The following MYO1D variants were observed in gnomAD, a reference collection of about 807,000 sequenced individuals.
MYO1D encodes the protein myosin ID.
Under a neutral mutation model 122.0 loss-of-function variants are expected in MYO1D, and 83 were observed. That is an observed-to-expected ratio of 0.68 (90% confidence interval 0.57 to 0.82). The LOEUF (loss-of-function observed/expected upper bound fraction) is 0.82. Among genes scored for constraint, MYO1D ranks in the 40% least tolerant of loss-of-function variants. The pLI, the probability that MYO1D is intolerant of heterozygous loss-of-function variation, is 0.00. For synonymous variants in MYO1D, 464 were observed against 446.9 expected, an observed-to-expected ratio of 1.04 and a Z score of -0.48; for missense variants, 1,157 against 1,269.5, an observed-to-expected ratio of 0.91 and a Z score of 1.35.
intron 1 of MYO1D, 58 bp downstream of exon 1, chr17:32,876,720 C>A: frequency 1.4e-6 from 2 of 1,395,212 alleles, no homozygotes; most frequent in South Asian, 1.3e-5. Flanking sequence ...CGCCCCGAGG[C>A]GCCCCCTCTC....
At chr17:32,872,797 C>T (rs1266013485) in intron 1 of MYO1D, among the ~76,000 whole-genome samples, 2 of 151,210 alleles carry the variant, frequency 1.3e-5, no homozygotes, top group Non-Finnish European at 2.9e-5. Flanking sequence ...CCCGGGTTCA[C>T]GCCATTCTCC....
chr17:32,823,493 T>C (rs1057371967), intron 1 of MYO1D, among the ~76,000 whole-genome samples: 2 of 152,178 alleles, frequency 1.3e-5, no homozygotes, highest in Non-Finnish European at 2.9e-5. Flanking sequence ...AACATGCATA[T>C]AGTGCTTAAA....
intron 16 of MYO1D, among the ~76,000 whole-genome samples, chr17:32,706,231 T>A (rs2089307117): frequency 6.6e-6 from 1 of 152,190 alleles, no homozygotes; most frequent in Non-Finnish European, 1.5e-5. Context: ...TTCAGCCTCC[T>A]GAGTAGCTGG....
intron 21 of MYO1D, among the ~76,000 whole-genome samples, chr17:32,538,310 T>C (rs1217612888): frequency 2.0e-5 from 3 of 150,492 alleles, no homozygotes; most frequent in African/African-American, 7.3e-5. Flanking sequence ...AGACAGGGTC[T>C]AGCTCTGTTG....
At chr17:32,583,795 A>C (rs2150902332) in intron 21 of MYO1D, among the ~76,000 whole-genome samples, 1 of 151,598 alleles carries the variant, frequency 6.6e-6, no homozygotes, top group East Asian at 1.9e-4. Flanking sequence ...GCTGGAGTGC[A>C]GTGGCACAAT....
At chr17:32,633,098 A>G in intron 20 of MYO1D, among the ~76,000 whole-genome samples, 1 of 152,190 alleles carries the variant, frequency 6.6e-6, no homozygotes, top group South Asian at 2.1e-4. Context: ...AGGTAGTATC[A>G]CACATGTGAA....
intron 1 of MYO1D, among the ~76,000 whole-genome samples, chr17:32,795,801 G>A (rs2090409804): frequency 6.6e-6 from 1 of 152,036 alleles, no homozygotes. Flanking sequence ...AGGCCATCCG[G>A]GTACAACATA....
intron 1 of MYO1D, among the ~76,000 whole-genome samples, chr17:32,802,079 A>G (rs2090465893): frequency 6.6e-6 from 1 of 152,240 alleles, no homozygotes; most frequent in Non-Finnish European, 1.5e-5. Flanking sequence ...TCTAGGAGAC[A>G]CATACCATTG....
At chr17:32,770,712 G>C (rs900385245) in intron 6 of MYO1D, among the ~76,000 whole-genome samples, 1 of 152,132 alleles carries the variant, frequency 6.6e-6, no homozygotes, top group South Asian at 2.1e-4. Flanking sequence ...ATCAACATTT[G>C]AACAAACAGT....
intron 21 of MYO1D, among the ~76,000 whole-genome samples, chr17:32,586,734 G>A (rs1170600991): frequency 2.6e-5 from 4 of 151,990 alleles, no homozygotes; most frequent in Admixed American, 2.0e-4. Context: ...TATAATTTTT[G>A]CATCTGTGTT....
intron 21 of MYO1D, among the ~76,000 whole-genome samples, chr17:32,591,494 G>A (rs970883025): frequency 6.6e-6 from 1 of 152,108 alleles, no homozygotes; most frequent in African/African-American, 2.4e-5. Context: ...TCCTGGTTCT[G>A]TGTGATTTCT....
intron 16 of MYO1D, among the ~76,000 whole-genome samples, chr17:32,706,514 C>T (rs1317859031): frequency 6.6e-6 from 1 of 151,912 alleles, no homozygotes; most frequent in Non-Finnish European, 1.5e-5. Context: ...CATGGTACTG[C>T]CATAGGAATT....
At chr17:32,858,602 T>C (rs2091045928) in intron 1 of MYO1D, among the ~76,000 whole-genome samples, 1 of 152,246 alleles carries the variant, frequency 6.6e-6, no homozygotes, top group Non-Finnish European at 1.5e-5. Flanking sequence ...TTTTTCTCAT[T>C]GCACCTGATC....
chr17:32,639,363 T>TTGTGTGTGTGTGTG (rs10674390), intron 19 of MYO1D, among the ~76,000 whole-genome samples: 24 of 128,268 alleles, frequency 1.9e-4, no homozygotes, highest in Non-Finnish European at 2.7e-4. Context: ...GGGAGAAATT[T>TTGTGTGTGTGTGTG]TGTGTGTGTG....
At chr17:32,731,070 C>A (rs1005619826) in intron 14 of MYO1D, among the ~76,000 whole-genome samples, 1 of 152,108 alleles carries the variant, frequency 6.6e-6, no homozygotes, top group Admixed American at 6.5e-5. Flanking sequence ...CCACACCTGG[C>A]TAATTTTTTT....
At chr17:32,630,994 TA>T (rs1302374601) in intron 20 of MYO1D, among the ~76,000 whole-genome samples, 1 of 152,170 alleles carries the variant, frequency 6.6e-6, no homozygotes, top group Non-Finnish European at 1.5e-5. Context: ...ACACCAGTCA[TA>T]CTGGATTAGG....
intron 16 of MYO1D, among the ~76,000 whole-genome samples, chr17:32,682,206 AT>A (rs1324085056): frequency 6.7e-6 from 1 of 148,734 alleles, no homozygotes; most frequent in Non-Finnish European, 1.5e-5. Flanking sequence ...TCTTTATCCA[AT>A]TTGCCAGTCT....
At chr17:32,560,528 C>CCTATATATATATATATATATATAT (rs1233632484) in intron 21 of MYO1D, among the ~76,000 whole-genome samples, 1 of 65,436 alleles carries the variant, frequency 1.5e-5, no homozygotes. Context: ...CCAGAGACAA[C>CCTATATATATATATATATATATAT]ATATATATAT....
intron 16 of MYO1D, among the ~76,000 whole-genome samples, chr17:32,670,164 G>T (rs2088693305): frequency 6.6e-6 from 1 of 152,036 alleles, no homozygotes; most frequent in Non-Finnish European, 1.5e-5. Context: ...CCAAAGTGCT[G>T]TGATTACAGG....
Sources: allele counts gnomAD v4.1 joint callset (sites outside exome capture counted in the v4.1 genomes callset), GRCh38; gene constraint gnomAD v4.1.1; transcripts MANE v1.5; gene names NCBI Gene and HGNC (gene_info 2026-07-23, HGNC 2026-07-21).